LIMCH1: variants seen among roughly 807,000 people sequenced by gnomAD.
LIMCH1 encodes LIM and calponin homology domains-containing protein 1.
LIMCH1 carries 113 observed loss-of-function variants against 176.5 expected under a neutral mutation model. That is an observed-to-expected ratio of 0.64 (90% CI 0.55 to 0.75). LIMCH1 has a LOEUF of 0.75. Ranked by LOEUF, LIMCH1 falls within the 30% of genes least tolerant of loss-of-function variation. LIMCH1 has a pLI of 0.00. For synonymous variants in LIMCH1, 619 were observed against 645.9 expected, an observed-to-expected ratio of 0.96 and a Z score of 0.63; for missense variants, 1,674 against 1,814.9, an observed-to-expected ratio of 0.92 and a Z score of 1.41.
At chr4:41,644,455 G>A (rs2093974031) in intron 14 of LIMCH1, 45 bp from the exon 15 acceptor site, 5 of 1,445,554 alleles carry the variant, frequency 3.5e-6, no homozygotes, top group Non-Finnish European at 3.7e-6. Flanking sequence ...AGACGCGACG[G>A]GCGCTGATCG....
At chr4:41,517,379 C>A (rs1026165089) in intron 2 of LIMCH1, among the ~76,000 whole-genome samples, 2 of 152,182 alleles carry the variant, frequency 1.3e-5, no homozygotes, top group African/African-American at 4.8e-5. Flanking sequence ...CAGTCTCTGC[C>A]ACAGGTGCTG....
intron 1 of LIMCH1, among the ~76,000 whole-genome samples, chr4:41,459,438 C>A (rs182456440): frequency 1.3e-5 from 2 of 152,094 alleles, no homozygotes; most frequent in East Asian, 1.9e-4. Context: ...GTAGCTGAGA[C>A]CACAGGTGTG....
At chr4:41,437,798 G>C in intron 1 of LIMCH1, among the ~76,000 whole-genome samples, 1 of 150,752 alleles carries the variant, frequency 6.6e-6, no homozygotes, top group East Asian at 1.9e-4. Flanking sequence ...TTTTTCTTTT[G>C]GTTTGTTTAT....
chr4:41,559,340 C>T (rs1040683811), intron 1 of LIMCH1, among the ~76,000 whole-genome samples: 1 of 152,002 alleles, frequency 6.6e-6, no homozygotes, highest in South Asian at 2.1e-4. Flanking sequence ...AAGAAGGGTG[C>T]CTCCTCCCTG....
chr4:41,476,081 C>T (rs2067693651), intron 1 of LIMCH1, among the ~76,000 whole-genome samples: 3 of 152,168 alleles, frequency 2.0e-5, no homozygotes, highest in African/African-American at 7.2e-5. Flanking sequence ...AAGTGATCCT[C>T]CTGCCTCAGC....
chr4:41,389,433 C>A, intron 1 of LIMCH1: 1 of 201,260 alleles, frequency 5.0e-6, no homozygotes, highest in South Asian at 1.0e-4. Flanking sequence ...TCAGCATTGC[C>A]TGACAAATGT....
At chr4:41,485,855 T>C (rs2069435615) in intron 1 of LIMCH1, among the ~76,000 whole-genome samples, 1 of 152,092 alleles carries the variant, frequency 6.6e-6, no homozygotes, top group African/African-American at 2.4e-5. Flanking sequence ...CAAGACCAGT[T>C]AGGAGACCCT....
chr4:41,613,173 CTTCTAA>C, intron 4 of LIMCH1: 2 of 1,260,256 alleles, frequency 1.6e-6, no homozygotes, highest in Non-Finnish European at 2.3e-6. Flanking sequence ...GTGATCCTTT[CTTCTAA>C]TTCTTTCTCT....
At position 41,417,128 on chromosome 4, in the gene LIMCH1, T is replaced by C. The variant is rs111918450; in HGVS notation, c.96+56192T>C. 5.9e-5 allele frequency among the ~76,000 whole-genome samples: 5 copies of C among 85,400 alleles called. No homozygotes were observed. The Admixed American group carries it at 6.4e-4, about 11-fold the overall frequency. The allele number at this position is 85,400 out of a possible 152,430, so 56.0% of individuals were successfully genotyped here. A position where few individuals can be genotyped will look rare whatever the true frequency, so the allele number is the denominator to read the frequency against. On this transcript the variant is annotated intron_variant, in intron 1 of 26. Transcript: ENST00000313860. ...GGGGTTATCTATGCTATAGGCATTG[T>C]TTCTTTGTGAGGGGTTATCTATGCT...
intron 1 of LIMCH1, among the ~76,000 whole-genome samples, chr4:41,477,642 G>T (rs1306973311): frequency 2.0e-5 from 3 of 152,206 alleles, no homozygotes; most frequent in Non-Finnish European, 1.5e-5. Context: ...ACTGTGGCTA[G>T]AACACAGTTG....
At chr4:41,597,804 C>T (rs1439087395) in intron 1 of LIMCH1, among the ~76,000 whole-genome samples, 2 of 152,322 alleles carry the variant, frequency 1.3e-5, no homozygotes, top group African/African-American at 4.8e-5. Context: ...TATAGCCCAT[C>T]ATATTCACAG....
At chr4:41,524,528 C>T in intron 3 of LIMCH1, 1 of 1,372,612 alleles carries the variant, frequency 7.3e-7, no homozygotes, top group Non-Finnish European at 1.0e-6. Context: ...TTGCTCTAAC[C>T]TAGGGGTCAT....
chr4:41,638,644 C>G (rs2093695031), intron 13 of LIMCH1, among the ~76,000 whole-genome samples: 2 of 152,120 alleles, frequency 1.3e-5, no homozygotes, highest in African/African-American at 4.8e-5. Flanking sequence ...CTAAGCCTTT[C>G]TGTGTTTATA....
At chr4:41,576,102 T>C (rs996023289) in intron 1 of LIMCH1, among the ~76,000 whole-genome samples, 2 of 152,234 alleles carry the variant, frequency 1.3e-5, no homozygotes, top group African/African-American at 4.8e-5. Flanking sequence ...ACAAAGTGTT[T>C]GTTAGTTCAC....
intron 1 of LIMCH1, among the ~76,000 whole-genome samples, chr4:41,579,803 T>G (rs1242581335): frequency 6.6e-6 from 1 of 152,206 alleles, no homozygotes; most frequent in Non-Finnish European, 1.5e-5. Context: ...CCTCTTGGCA[T>G]GTGTAACATA....
In LIMCH1 at chr4:41,682,362, T is replaced by A. The variant is rs530847924; in HGVS notation, c.3747T>A (p.Asp1249Glu). ...MNKIDLGNCQ[D>E]EKQDRRWKKS... ...AGATAGACCTGGGAAACTGTCAAGA[T>A]GAAAAACAAGACAGAAGATGGAAGA... is the stretch of plus-strand genomic sequence containing the variant. The change falls in exon 26 of 32, where the codon GAT becomes GAA. Residue 1249 changes from aspartate (D) to glutamate (E), a missense_variant. Asp to Glu is a conservative substitution (Grantham distance 45). Around this residue, in one of 3 missense-constraint regions of LIMCH1, gnomAD observed 1,015 missense variants for 1,102.5 expected, o/e 0.92. Coordinates refer to ENST00000503057, the MANE Select transcript of LIMCH1 (RefSeq NM_001330672.2). 2.5e-4 allele frequency: 409 copies of A among 1,612,418 alleles called. 1 individual carries two copies. Among genetic ancestry groups the A allele is most frequent in the South Asian group, 2.3e-3 (213 of 90,998 alleles).
At chr4:41,494,432 G>A in intron 1 of LIMCH1, 4 of 715,246 alleles carry the variant, frequency 5.6e-6, no homozygotes, top group African/African-American at 1.8e-5. Context: ...CACATACATA[G>A]TTATATATAT....
chr4:41,598,419 C>T (rs2089309149), intron 1 of LIMCH1, among the ~76,000 whole-genome samples: 1 of 151,080 alleles, frequency 6.6e-6, no homozygotes, highest in Non-Finnish European at 1.5e-5. Flanking sequence ...GTATAATCCA[C>T]AAAGAGGTAT....
intron 1 of LIMCH1, among the ~76,000 whole-genome samples, chr4:41,407,138 C>CT (rs2059042610): frequency 6.6e-6 from 1 of 151,870 alleles, no homozygotes; most frequent in African/African-American, 2.4e-5. Flanking sequence ...AATAAGGAGG[C>CT]TTTGTGTTGG....
Sources: allele counts gnomAD v4.1 joint callset (sites outside exome capture counted in the v4.1 genomes callset), GRCh38; gene constraint gnomAD v4.1.1; regional missense constraint gnomAD v4.1.1; transcripts MANE v1.5; gene names NCBI Gene and HGNC (gene_info 2026-07-23, HGNC 2026-07-21).